The following LRP1B variants were observed in gnomAD, a reference collection of about 807,000 sequenced individuals.
The protein encoded by LRP1B is low-density lipoprotein receptor-related protein 1B.
In LRP1B, 217 loss-of-function variants were observed where a neutral mutation model predicts 556.6. The observed-to-expected ratio is 0.39, with a 90% CI of 0.35 to 0.44. LRP1B has a LOEUF of 0.44. LRP1B is among the 20% of genes least tolerant of loss of function. The pLI is 1.00. For synonymous variants in LRP1B, 2,047 were observed against 1,865.8 expected (o/e 1.10, Z -2.50); for missense variants, 5,053 against 5,620.8 (o/e 0.90, Z 3.23).
chr2:141,905,381 T>C (rs1699726587), intron 1 of LRP1B, among the ~76,000 whole-genome samples: 1 of 151,802 alleles, frequency 6.6e-6, no homozygotes, highest in African/African-American at 2.4e-5. Flanking sequence ...ATCATGGGAA[T>C]ACTTGGCAGT....
chr2:141,616,485 T>C (rs959631802), intron 2 of LRP1B, among the ~76,000 whole-genome samples: 2 of 152,194 alleles, frequency 1.3e-5, no homozygotes, highest in Non-Finnish European at 2.9e-5. Flanking sequence ...AAATTCTCTC[T>C]TCTTGTAATA....
At chr2:140,431,031 G>T (rs373506740) in intron 66 of LRP1B, among the ~76,000 whole-genome samples, 1 of 152,142 alleles carries the variant, frequency 6.6e-6, no homozygotes, top group Admixed American at 6.5e-5. Flanking sequence ...GGCCATCACG[G>T]TCATTTCTTC....
At chr2:141,073,008 CCTTTTCTA>C (rs1180713183) in intron 7 of LRP1B, among the ~76,000 whole-genome samples, 2 of 152,070 alleles carry the variant, frequency 1.3e-5, no homozygotes, top group Admixed American at 1.3e-4. Flanking sequence ...TTCAACTTCT[CCTTTTCTA>C]CTAAATGTCA....
chr2:140,502,600 C>G (rs1053067588), intron 54 of LRP1B, among the ~76,000 whole-genome samples: 1 of 151,900 alleles, frequency 6.6e-6, no homozygotes, highest in Non-Finnish European at 1.5e-5. Flanking sequence ...ATGAATAATA[C>G]AGACTACTTC....
intron 18 of LRP1B, among the ~76,000 whole-genome samples, chr2:140,953,380 C>A (rs970673535): frequency 6.6e-6 from 1 of 152,156 alleles, no homozygotes; most frequent in African/African-American, 2.4e-5. Flanking sequence ...TGAGCCACTG[C>A]GCCTGGCCCA....
intron 41 of LRP1B, among the ~76,000 whole-genome samples, chr2:140,694,389 A>G (rs1574249681): frequency 6.6e-6 from 1 of 152,170 alleles, no homozygotes; most frequent in Admixed American, 6.5e-5. Context: ...GTATTTCCTT[A>G]GTAGTCTGAA....
At chr2:140,528,427 A>C (rs2104976746) in intron 47 of LRP1B, among the ~76,000 whole-genome samples, 1 of 152,128 alleles carries the variant, frequency 6.6e-6, no homozygotes, top group South Asian at 2.1e-4. Context: ...AATAAGCATA[A>C]GGAAATAGAT....
chr2:140,304,890 C>T (rs1443864293), intron 83 of LRP1B, among the ~76,000 whole-genome samples: 1 of 152,120 alleles, frequency 6.6e-6, no homozygotes, highest in Non-Finnish European at 1.5e-5. Context: ...TCAGTTTTCC[C>T]AGCACCATTT....
At chr2:140,862,586 ACTCTAAGTATAT>A (rs1331043475) in intron 27 of LRP1B, among the ~76,000 whole-genome samples, 1 of 152,102 alleles carries the variant, frequency 6.6e-6, no homozygotes, top group African/African-American at 2.4e-5. Flanking sequence ...AATGATTTCA[ACTCTAAGTATAT>A]CTCATCAGAG....
chr2:141,411,104 T>C (rs1056234390), intron 3 of LRP1B, among the ~76,000 whole-genome samples: 9 of 152,044 alleles, frequency 5.9e-5, no homozygotes, highest in Admixed American at 2.6e-4. Context: ...CTCTTATAAA[T>C]CATTGAACCT....
At chr2:142,074,845 C>G (rs910658284) in intron 1 of LRP1B, among the ~76,000 whole-genome samples, 1 of 152,072 alleles carries the variant, frequency 6.6e-6, no homozygotes, top group Non-Finnish European at 1.5e-5. Context: ...GATATTATTA[C>G]TTTCCTAGAC....
intron 1 of LRP1B, among the ~76,000 whole-genome samples, chr2:142,045,806 T>G (rs144108969): frequency 6.6e-6 from 1 of 152,022 alleles, no homozygotes; most frequent in East Asian, 1.9e-4. Context: ...CCACATTGTC[T>G]GTAAATGTTA....
At chr2:140,244,698 G>A (rs1450346751) in intron 87 of LRP1B, among the ~76,000 whole-genome samples, 1 of 151,282 alleles carries the variant, frequency 6.6e-6, no homozygotes, top group East Asian at 2.0e-4. Context: ...ACTATTCAGA[G>A]ATGATTATGA....
intron 4 of LRP1B, among the ~76,000 whole-genome samples, chr2:141,248,659 CA>C (rs1684155022): frequency 6.6e-6 from 1 of 152,028 alleles, no homozygotes. Flanking sequence ...CTTTGGGAGC[CA>C]GATAATGAAG....
chr2:141,876,531 T>C (rs147216234), intron 1 of LRP1B, among the ~76,000 whole-genome samples: 335 of 152,124 alleles, frequency 2.2e-3, no homozygotes, highest in African/African-American at 7.8e-3. Context: ...ATAGATTATG[T>C]AGTTATTCTC....
chr2:140,257,214 A>T (rs979054920), intron 86 of LRP1B, among the ~76,000 whole-genome samples: 1 of 152,198 alleles, frequency 6.6e-6, no homozygotes, highest in African/African-American at 2.4e-5. Flanking sequence ...ACAGAACATG[A>T]GCATAAAATA....
chr2:141,156,706 A>T (rs1489194120), intron 7 of LRP1B, among the ~76,000 whole-genome samples: 1 of 152,056 alleles, frequency 6.6e-6, no homozygotes, highest in African/African-American at 2.4e-5. Flanking sequence ...GCTGAGAGAG[A>T]GTTCTCTCAT....
chr2:140,569,315 AG>A (rs1681239014), intron 43 of LRP1B, among the ~76,000 whole-genome samples: 2 of 152,024 alleles, frequency 1.3e-5, no homozygotes, highest in Admixed American at 1.3e-4. Context: ...CTACTTAAAA[AG>A]GAATTTCTTT....
intron 22 of LRP1B, among the ~76,000 whole-genome samples, chr2:140,903,767 G>A (rs1694169937): frequency 6.7e-6 from 1 of 148,306 alleles, no homozygotes; most frequent in South Asian, 2.1e-4. Flanking sequence ...TGGTTATTAT[G>A]ATTCATTCAA....
Sources: gnomAD v4.1 joint callset for allele counts (sites outside exome capture counted in the v4.1 genomes callset) on GRCh38, gnomAD v4.1.1 for gene constraint, MANE v1.5 for transcripts, NCBI Gene and HGNC (gene_info 2026-07-23, HGNC 2026-07-21) for gene names.